The following ASTN1 variants were observed in gnomAD, a reference collection of about 807,000 sequenced individuals.
ASTN1 encodes astrotactin 1, also known as astrotactin-1.
A neutral mutation model predicts 140.7 loss-of-function variants in ASTN1; 41 were observed. The ratio of observed to expected loss-of-function variants is 0.29; its 90% CI spans 0.23 to 0.38. The LOEUF is 0.38. Ranked by LOEUF, ASTN1 falls within the 10% of genes least tolerant of loss-of-function variation. ASTN1 has a pLI of 1.00. For synonymous variants in ASTN1, 640 were observed against 652.2 expected, an observed-to-expected ratio of 0.98 and a Z score of 0.29; for missense variants, 1,479 against 1,678.8, an observed-to-expected ratio of 0.88 and a Z score of 2.08.
chr1:176,957,800 CGAA>C lies in ASTN1; in HGVS notation c.1762_1764del (p.Phe588del). The C allele has an allele frequency of 6.2e-7, 1 of 1,613,804 alleles. No individual in the cohort carries two copies. The highest frequency in any genetic ancestry group is 1.1e-5 in the South Asian group (1 of 91,028). ...GAATCTAAGAGAACCTCCAGGCTGT[CGAA>C]GGAGGATGAAGTCATCAGCTCCTCT... On this transcript the variant is annotated inframe_deletion, in exon 11 of 23. Transcript: ENST00000361833.
intron 1 of ASTN1, among the ~76,000 whole-genome samples, chr1:177,138,669 G>A (rs146021220): frequency 2.2e-3 from 329 of 152,298 alleles, no homozygotes; most frequent in African/African-American, 7.1e-3. Context: ...AAGAGGTTTT[G>A]TGAGTTTGTT....
chr1:177,105,322 T>A (rs959557069), intron 1 of ASTN1, among the ~76,000 whole-genome samples: 6 of 152,178 alleles, frequency 3.9e-5, no homozygotes, highest in African/African-American at 7.2e-5. Context: ...AAGGCTTTAG[T>A]TTCTTTTCAC....
At chr1:176,976,676 A>G (rs1673377857) in intron 8 of ASTN1, 2 of 152,352 alleles carry the variant, frequency 1.3e-5, no homozygotes, top group South Asian at 4.1e-4. Context: ...TGATAATAGT[A>G]ACTACTGTCT....
At chr1:177,047,820 G>A (rs1231604709) in intron 2 of ASTN1, among the ~76,000 whole-genome samples, 1 of 152,180 alleles carries the variant, frequency 6.6e-6, no homozygotes, top group African/African-American at 2.4e-5. Flanking sequence ...GGAAACATGG[G>A]TAATAAGAAT....
At chr1:177,071,772 G>T (rs961449429) in intron 1 of ASTN1, among the ~76,000 whole-genome samples, 1 of 152,120 alleles carries the variant, frequency 6.6e-6, no homozygotes, top group East Asian at 1.9e-4. Context: ...ATTTGCAATT[G>T]CCATAATGGG....
intron 22 of ASTN1, 108 bp downstream of exon 22, chr1:176,868,736 C>G (rs1300651537): frequency 2.4e-6 from 3 of 1,259,294 alleles, no homozygotes; most frequent in Non-Finnish European, 3.2e-6. Context: ...CTCTGATTGC[C>G]TAAGCTCATC....
intron 16 of ASTN1, among the ~76,000 whole-genome samples, chr1:176,918,742 T>G (rs1005702370): frequency 6.6e-6 from 1 of 152,158 alleles, no homozygotes; most frequent in Non-Finnish European, 1.5e-5. Flanking sequence ...TTCCATCCAG[T>G]GCAGGAGGGA....
chr1:176,877,680 C>T (rs2103020880), intron 20 of ASTN1, among the ~76,000 whole-genome samples: 1 of 152,300 alleles, frequency 6.6e-6, no homozygotes, highest in Non-Finnish European at 1.5e-5. Flanking sequence ...TGCCAAGGGC[C>T]TCTGATAACC....
Position 176,864,281 on chromosome 1 carries a change from G to T in ASTN1, c.*3C>A, listed in dbSNP as rs1668058863. On this transcript the variant is annotated 3_prime_UTR_variant, in exon 23 of 23. Coordinates refer to ENST00000361833, the MANE Select transcript of ASTN1 (RefSeq NM_004319.3). ...CTGGCAGCAGCTCCCTGGCCTTATG[G>T]TGCTAGATCTCTTTGCTGTCCCCAT... is the stretch of plus-strand genomic sequence containing the variant. The T allele has an allele frequency of 4.3e-6, 7 of 1,613,728 alleles. No homozygotes were observed. In the East Asian group the frequency reaches 1.1e-4, roughly 26 times the overall value.
chr1:176,910,298 T>A (rs77913321), intron 16 of ASTN1, among the ~76,000 whole-genome samples: 4,082 of 152,280 alleles, frequency 0.027, 165 homozygotes, highest in African/African-American at 0.09. Context: ...TGAGTGCACA[T>A]CTTTTTAGGC....
chr1:177,068,821 CTTT>C (rs763780306), intron 1 of ASTN1, among the ~76,000 whole-genome samples: 10 of 135,376 alleles, frequency 7.4e-5, no homozygotes, highest in Admixed American at 7.4e-5. Flanking sequence ...TCTTTCTTTT[CTTT>C]TTTTTTTTTT....
chr1:177,138,563 T>C, intron 1 of ASTN1, among the ~76,000 whole-genome samples: 1 of 152,192 alleles, frequency 6.6e-6, no homozygotes, highest in East Asian at 1.9e-4. Context: ...TGAGCCAACA[T>C]GGCTCCACCT....
chr1:176,928,428 C>T (rs1171348469), intron 16 of ASTN1, among the ~76,000 whole-genome samples: 1 of 152,100 alleles, frequency 6.6e-6, no homozygotes, highest in Admixed American at 6.5e-5. Flanking sequence ...TTATGGAAGA[C>T]AGTTATGCAG....
chr1:177,024,820 A>G (rs1230739099), intron 5 of ASTN1, 88 bp from the exon 6 acceptor site: 5 of 1,442,928 alleles, frequency 3.5e-6, no homozygotes, highest in Non-Finnish European at 4.8e-6. Context: ...ATCCTGGCAA[A>G]CAGGGGAGAC....
At chr1:177,093,679 C>A (rs562852001) in intron 1 of ASTN1, among the ~76,000 whole-genome samples, 1 of 152,134 alleles carries the variant, frequency 6.6e-6, no homozygotes, top group East Asian at 1.9e-4. Flanking sequence ...CAGGGCTTTT[C>A]CTGCTTCTGA....
At chr1:176,995,402 A>C (rs943484104) in intron 8 of ASTN1, among the ~76,000 whole-genome samples, 1 of 152,234 alleles carries the variant, frequency 6.6e-6, no homozygotes, top group Non-Finnish European at 1.5e-5. Flanking sequence ...TGGGTATCTC[A>C]GATGAGACTA....
rs138552329 is a variant in ASTN1 at position 177,054,115 on chromosome 1, T to C, written c.471+6963A>G. Among the ~76,000 whole-genome samples, 389 of 152,336 alleles carry C rather than the reference T, an allele frequency of 2.6e-3. 3 individuals are homozygous for C. The highest frequency in any genetic ancestry group is 9.1e-3 in the African/African-American group (378 of 41,578). ...GGAGTGCTTCTCAAAGTATAGTATCTGGACTCTGTGGACTGCCTTGATTCA... is the reference window on the plus strand; with the variant it reads ...GGAGTGCTTCTCAAAGTATAGTATCCGGACTCTGTGGACTGCCTTGATTCA... On this transcript the variant is annotated intron_variant, in intron 2 of 22. Transcript: ENST00000361833.
At chr1:176,917,547 C>G (rs1670541100) in intron 16 of ASTN1, among the ~76,000 whole-genome samples, 1 of 152,144 alleles carries the variant, frequency 6.6e-6, no homozygotes, top group Non-Finnish European at 1.5e-5. Flanking sequence ...TGGAGTTCTC[C>G]TGGTTTTTAG....
intron 4 of ASTN1, among the ~76,000 whole-genome samples, 183 bp from the exon 5 acceptor site, chr1:177,029,924 G>GGGACAGCA (rs1359911384): frequency 1.3e-5 from 2 of 152,150 alleles, no homozygotes; most frequent in Admixed American, 6.5e-5. Flanking sequence ...GTAGACCATT[G>GGGACAGCA]GGACAGCAAT....
Sources: gnomAD v4.1 joint callset for allele counts (sites outside exome capture counted in the v4.1 genomes callset) on GRCh38, gnomAD v4.1.1 for gene constraint, MANE v1.5 for transcripts, NCBI Gene and HGNC (gene_info 2026-07-23, HGNC 2026-07-21) for gene names.